The following JCAD variants were observed in gnomAD, a reference collection of about 807,000 sequenced individuals.
The protein encoded by JCAD is junctional cadherin 5-associated protein.
Under a neutral mutation model 98.0 loss-of-function variants are expected in JCAD, and 40 were observed. The observed-to-expected ratio is 0.41, with a 90% CI of 0.32 to 0.53. The LOEUF (loss-of-function observed/expected upper bound fraction) is 0.53, where lower values mean the gene tolerates loss of function less well. Among genes scored for constraint, JCAD ranks in the 20% least tolerant of loss-of-function variants. The pLI is 0.31. For missense variants in JCAD, 1,705 were observed against 1,738.1 expected (o/e 0.98, Z 0.34); for synonymous variants, 691 against 682.3 (o/e 1.01, Z -0.20).
chr10:30,086,972 T>C (rs1838176925), intron 1 of JCAD, among the ~76,000 whole-genome samples: 1 of 152,228 alleles, frequency 6.6e-6, no homozygotes, highest in African/African-American at 2.4e-5. Flanking sequence ...AACCGAACCC[T>C]AGACTCAGGG....
Position 30,028,692 on chromosome 10 carries a change from C to T in JCAD, c.1456G>A (p.Asp486Asn). The T allele has an allele frequency of 6.2e-7, 1 of 1,608,758 alleles. No individual in the cohort carries two copies. Among genetic ancestry groups the T allele is most frequent in the African/African-American group, 1.3e-5 (1 of 74,776 alleles). ...NPQSLIPPSG[D>N]ERGLVLADSS... ...TCGGCCAAGACCAGGCCTCTCTCAT[C>T]CCCCGACGGGGGTATTAAGCTCTGT... is the stretch of plus-strand genomic sequence containing the variant. Residue 486 changes from aspartate (D) to asparagine (N), a missense_variant, in exon 3 of 4, where the codon GAT (aspartate) becomes AAT (asparagine). This residue lies in a region of JCAD where 1,278 missense variants were observed against 1,243.1 expected (regional missense o/e 1.03). Transcript: ENST00000375377.
chr10:30,040,807 C>G (rs555930031), intron 2 of JCAD, among the ~76,000 whole-genome samples: 62 of 152,302 alleles, frequency 4.1e-4, no homozygotes, highest in African/African-American at 1.3e-3. Context: ...GCACAGCCAT[C>G]TTTGAGGCAA....
chr10:30,094,500 C>G (rs1838337623), intron 1 of JCAD, among the ~76,000 whole-genome samples: 1 of 152,060 alleles, frequency 6.6e-6, no homozygotes, highest in Admixed American at 6.6e-5. Flanking sequence ...AAACTGCTTA[C>G]AGAGGGCTGT....
chr10:30,113,138 A>G (rs1392368838), intron 1 of JCAD, among the ~76,000 whole-genome samples: 1 of 152,200 alleles, frequency 6.6e-6, no homozygotes, highest in Admixed American at 6.5e-5. Context: ...AAGGAGAGTC[A>G]ATGAAGGTGG....
intron 2 of JCAD, among the ~76,000 whole-genome samples, chr10:30,045,273 C>T (rs1323751215): frequency 2.0e-5 from 3 of 152,070 alleles, no homozygotes; most frequent in Non-Finnish European, 4.4e-5. Context: ...AACTCTGATC[C>T]AGCCCCTCAA....
At chr10:30,090,893 T>C (rs1315331840) in intron 1 of JCAD, among the ~76,000 whole-genome samples, 1 of 152,146 alleles carries the variant, frequency 6.6e-6, no homozygotes, top group Admixed American at 6.5e-5. Context: ...GGATTAGAAA[T>C]GCCAGCCGGA....
chr10:30,036,230 A>G lies in JCAD; in HGVS notation c.282-6364T>C, dbSNP rs537471711. Among the ~76,000 whole-genome samples, 731 of 152,264 alleles carry G rather than the reference A, an allele frequency of 4.8e-3. 7 individuals are homozygous for G. Among genetic ancestry groups the G allele is most frequent in the African/African-American group, 0.017 (698 of 41,544 alleles). ...AGGCTGAGGCGGACGGATCACCTGA[A>G]GTCAGTAGTTCAAGACCAGCCTGAC... On this transcript the variant is annotated intron_variant, in intron 2 of 3. Coordinates refer to ENST00000375377, the MANE Select transcript of JCAD (RefSeq NM_020848.4).
Position 30,028,452 on chromosome 10 carries a change from G to C in JCAD, c.1696C>G (p.Arg566Gly). 6.2e-7 allele frequency: 1 copy of C among 1,614,112 alleles called. No individual in the cohort carries two copies. Among genetic ancestry groups the C allele is most frequent in the Non-Finnish European group, 8.5e-7 (1 of 1,180,046 alleles). The part of the protein sequence containing the change: ...TKLKKFQTGT[R>G]TKKSSKKKMN... ...TTTTTCTTTGAACTTTTCTTGGTCC[G>C]AGTCCCAGTTTGGAACTTTTTGAGC... Residue 566 changes from arginine to glycine, a missense_variant, in exon 3 of 4, where the codon CGG becomes GGG. Arg to Gly is a moderately radical substitution (Grantham distance 125). Coordinates refer to ENST00000375377, the MANE Select transcript of JCAD (RefSeq NM_020848.4).
upstream of JCAD, among the ~76,000 whole-genome samples, chr10:30,061,273 T>G (rs555929129): frequency 2.9e-4 from 44 of 152,246 alleles, no homozygotes; most frequent in African/African-American, 1.0e-3. Context: ...CCGGGCATGG[T>G]GACTCATGCC....
chr10:30,082,746 G>A (rs1682676668), intron 1 of JCAD, among the ~76,000 whole-genome samples: 1 of 151,184 alleles, frequency 6.6e-6, no homozygotes, highest in Non-Finnish European at 1.5e-5. Flanking sequence ...AGCTACTTCG[G>A]AAGCTGAGGC....
intron 1 of JCAD, among the ~76,000 whole-genome samples, chr10:30,077,599 GC>G (rs760349562): frequency 6.6e-6 from 1 of 152,112 alleles, no homozygotes; most frequent in Non-Finnish European, 1.5e-5. Flanking sequence ...ATTCCCTTCA[GC>G]CCCTGATAAC....
At chr10:30,108,760 T>C (rs561353411) in intron 1 of JCAD, among the ~76,000 whole-genome samples, 14 of 151,596 alleles carry the variant, frequency 9.2e-5, no homozygotes, top group Non-Finnish European at 1.8e-4. Flanking sequence ...AGCTAACAAA[T>C]GCCTTCTTCG....
Position 30,027,972 on chromosome 10 carries a change from C to T in JCAD, c.2176G>A (p.Ala726Thr), listed in dbSNP as rs1836873457. ...AALSPKCSDP[A>T]ASEAQTHTAF... is the part of the protein sequence containing the mutation. ...GTGTGCGTCTGAGCTTCGGAGGCAG[C>T]AGGGTCTGAACATTTTGGACTCAAT... The change falls in exon 3 of 4, where the codon GCT (alanine) becomes ACT (threonine). Residue 726 changes from alanine (A) to threonine (T), a missense_variant. This residue lies in a region of JCAD where 1,278 missense variants were observed against 1,243.1 expected (regional missense o/e 1.03). Coordinates refer to ENST00000375377, the MANE Select transcript of JCAD (RefSeq NM_020848.4). 3 of 1,614,134 alleles carry T rather than the reference C, an allele frequency of 1.9e-6. No homozygotes were observed. The highest frequency in any genetic ancestry group is 2.2e-5 in the South Asian group (2 of 91,088).
At chr10:30,034,165 G>A (rs1438001633) in intron 2 of JCAD, among the ~76,000 whole-genome samples, 2 of 152,006 alleles carry the variant, frequency 1.3e-5, no homozygotes, top group Admixed American at 6.5e-5. Flanking sequence ...GGAGGTTGCA[G>A]TGAGCTGAGA....
At chr10:30,031,178 G>A (rs988348055) in intron 2 of JCAD, among the ~76,000 whole-genome samples, 10 of 151,832 alleles carry the variant, frequency 6.6e-5, no homozygotes, top group Non-Finnish European at 1.2e-4. Flanking sequence ...CCCAGGCTAG[G>A]TGCAGTGGTG....
At chr10:30,065,749 C>T (rs1041003530) in intron 2 of JCAD, among the ~76,000 whole-genome samples, 4 of 152,190 alleles carry the variant, frequency 2.6e-5, no homozygotes, top group African/African-American at 9.7e-5. Context: ...AAAGTTCCCA[C>T]CTTGGCCTCC....
At chr10:30,041,994 G>A (rs1024385497) in intron 2 of JCAD, among the ~76,000 whole-genome samples, 4 of 152,144 alleles carry the variant, frequency 2.6e-5, no homozygotes, top group African/African-American at 9.7e-5. Context: ...GTTTGTGTGT[G>A]TGTGTGTTTC....
At chr10:30,102,405 A>C (rs1333190274) in intron 1 of JCAD, among the ~76,000 whole-genome samples, 1 of 152,190 alleles carries the variant, frequency 6.6e-6, no homozygotes, top group East Asian at 1.9e-4. Flanking sequence ...TCCTGACCTC[A>C]GATGATTCAT....
chr10:30,093,788 C>G (rs537878820), intron 1 of JCAD, among the ~76,000 whole-genome samples: 1 of 152,032 alleles, frequency 6.6e-6, no homozygotes, highest in African/African-American at 2.4e-5. Flanking sequence ...ACGGGAATCC[C>G]GGGGATAGAG....
Sources: allele counts gnomAD v4.1 joint callset (sites outside exome capture counted in the v4.1 genomes callset), GRCh38; gene constraint gnomAD v4.1.1; regional missense constraint gnomAD v4.1.1; transcripts MANE v1.5; gene names NCBI Gene and HGNC (gene_info 2026-07-23, HGNC 2026-07-21).